The following PKIA variants were observed in gnomAD, a reference collection of about 807,000 sequenced individuals.
The protein encoded by PKIA is PKI-alpha.
PKIA carries 4 observed loss-of-function variants against 7.6 expected under a neutral mutation model. The ratio of observed to expected loss-of-function variants is 0.52; its 90% CI spans 0.26 to 1.20. The LOEUF is 1.20. Ranked by LOEUF, PKIA falls within the 50% of genes most tolerant of loss-of-function variation. The probability of loss-of-function intolerance (pLI) is 0.13; values close to 1 mark genes in which losing one functional copy is unlikely to be tolerated. For synonymous variants in PKIA, 21 were observed against 30.7 expected (o/e 0.68, Z 1.04); for missense variants, 73 against 86.2 (o/e 0.85, Z 0.61).
At chr8:78,587,322 G>A (rs1400450853) in intron 2 of PKIA, among the ~76,000 whole-genome samples, 1 of 152,174 alleles carries the variant, frequency 6.6e-6, no homozygotes, top group Non-Finnish European at 1.5e-5. Context: ...ACCAGCCCCA[G>A]GCCCTTAATG....
At chr8:78,556,824 C>T (rs1456637201) in intron 1 of PKIA, among the ~76,000 whole-genome samples, 2 of 152,104 alleles carry the variant, frequency 1.3e-5, no homozygotes, top group Non-Finnish European at 2.9e-5. Context: ...TTGAATACTA[C>T]ATCTTTATCC....
At chr8:78,567,836 T>G (rs1807454947) in intron 1 of PKIA, among the ~76,000 whole-genome samples, 1 of 152,204 alleles carries the variant, frequency 6.6e-6, no homozygotes, top group Non-Finnish European at 1.5e-5. Context: ...TATATACCAC[T>G]TTATTTTGTT....
intron 1 of PKIA, among the ~76,000 whole-genome samples, chr8:78,561,669 G>A (rs1375266754): frequency 6.6e-6 from 1 of 152,128 alleles, no homozygotes; most frequent in Non-Finnish European, 1.5e-5. Context: ...TGGTACTGAT[G>A]TCAAACTTTC....
chr8:78,528,919 T>G (rs1806324881), intron 1 of PKIA, among the ~76,000 whole-genome samples: 1 of 152,080 alleles, frequency 6.6e-6, no homozygotes, highest in Non-Finnish European at 1.5e-5. Context: ...TGTATTAATT[T>G]TAATACTAGT....
intron 2 of PKIA, among the ~76,000 whole-genome samples, chr8:78,573,610 A>C (rs1472348935): frequency 6.6e-6 from 1 of 152,070 alleles, no homozygotes; most frequent in African/African-American, 2.4e-5. Context: ...CATCATAATA[A>C]GTGGCTCATC....
chr8:78,600,025 A>G (rs1336194475), intron 3 of PKIA, among the ~76,000 whole-genome samples: 1 of 150,688 alleles, frequency 6.6e-6, no homozygotes, highest in Non-Finnish European at 1.5e-5. Context: ...ACAATTAAAT[A>G]ATTTAAAATA....
At chr8:78,554,747 A>G (rs1807082881) in intron 1 of PKIA, among the ~76,000 whole-genome samples, 1 of 152,088 alleles carries the variant, frequency 6.6e-6, no homozygotes, top group Non-Finnish European at 1.5e-5. Flanking sequence ...GTTATACCTG[A>G]TATGAATTTT....
chr8:78,573,165 C>T (rs920861675), intron 2 of PKIA, among the ~76,000 whole-genome samples: 2 of 152,008 alleles, frequency 1.3e-5, no homozygotes, highest in Non-Finnish European at 2.9e-5. Flanking sequence ...ACTAAGTACA[C>T]TTAGTGAGCT....
At chr8:78,546,803 A>T (rs1022841021) in intron 1 of PKIA, among the ~76,000 whole-genome samples, 2 of 152,202 alleles carry the variant, frequency 1.3e-5, no homozygotes, top group Admixed American at 1.3e-4. Flanking sequence ...CCAGCTACTG[A>T]AGACAGAGGT....
At chr8:78,553,586 T>C (rs188018008) in intron 1 of PKIA, among the ~76,000 whole-genome samples, 1 of 152,094 alleles carries the variant, frequency 6.6e-6, no homozygotes, top group Admixed American at 6.6e-5. Context: ...CAGAAAAAAT[T>C]CCCTACTGGC....
At chr8:78,542,066 C>G (rs78552661) in intron 1 of PKIA, among the ~76,000 whole-genome samples, 5,517 of 152,102 alleles carry the variant, frequency 0.036, 152 homozygotes, top group South Asian at 0.071. Flanking sequence ...GTCCCGTCTA[C>G]TCAAGATGAT....
At chr8:78,568,973 G>C (rs144683013) in intron 1 of PKIA, among the ~76,000 whole-genome samples, 3,721 of 152,198 alleles carry the variant, frequency 0.024, 72 homozygotes, top group Middle Eastern at 0.061. Flanking sequence ...TCAATGGAGA[G>C]CTGAGCCTCC....
intron 2 of PKIA, among the ~76,000 whole-genome samples, chr8:78,587,910 G>C (rs1451969962): frequency 6.6e-6 from 1 of 152,146 alleles, no homozygotes. Flanking sequence ...ATGAACAACT[G>C]TATGACCTCG....
intron 2 of PKIA, among the ~76,000 whole-genome samples, chr8:78,574,766 G>T (rs370115568): frequency 2.0e-4 from 30 of 151,984 alleles, no homozygotes; most frequent in African/African-American, 6.7e-4. Flanking sequence ...TTTTGTCTTT[G>T]TATGTACTTA....
intron 1 of PKIA, among the ~76,000 whole-genome samples, chr8:78,567,233 A>G (rs1262588885): frequency 6.6e-6 from 1 of 152,150 alleles, no homozygotes; most frequent in African/African-American, 2.4e-5. Context: ...TTAATATATT[A>G]TCATTAACTG....
At chr8:78,567,705 G>C (rs1036866975) in intron 1 of PKIA, among the ~76,000 whole-genome samples, 3 of 152,120 alleles carry the variant, frequency 2.0e-5, no homozygotes, top group Admixed American at 2.0e-4. Flanking sequence ...GGTTTGAATA[G>C]CTACAGAAGC....
intron 1 of PKIA, among the ~76,000 whole-genome samples, chr8:78,571,356 G>A (rs1041297361): frequency 9.2e-5 from 14 of 152,032 alleles, no homozygotes; most frequent in Non-Finnish European, 5.9e-5. Context: ...CACTGTATCC[G>A]ATGCTGTCAG....
chr8:78,561,441 AG>A lies in PKIA; in HGVS notation c.-156-11368del, dbSNP rs201939553. Reference sequence around the variant, plus strand: ...TGTAATTAGCCTACCCCACTGCTCTAGGCTAGGCCAAGTTTTTTTGTTTTTT... The same window carrying A: ...TGTAATTAGCCTACCCCACTGCTCTAGCTAGGCCAAGTTTTTTTGTTTTTT... On this transcript the variant is annotated intron_variant, in intron 1 of 3. Coordinates refer to ENST00000396418, the MANE Select transcript of PKIA (RefSeq NM_006823.4). 7.9e-3 allele frequency among the ~76,000 whole-genome samples: 1,206 copies of A among 151,964 alleles called. 10 individuals are homozygous for A. Among genetic ancestry groups the A allele is most frequent in the African/African-American group, 0.027 (1,119 of 41,484 alleles).
At chr8:78,590,046 A>C (rs912000459) in intron 2 of PKIA, among the ~76,000 whole-genome samples, 2 of 152,198 alleles carry the variant, frequency 1.3e-5, no homozygotes, top group African/African-American at 4.8e-5. Context: ...GGAAAGCAAA[A>C]TCTAACAGTG....
Sources: gnomAD v4.1 joint callset for allele counts (sites outside exome capture counted in the v4.1 genomes callset) on GRCh38, gnomAD v4.1.1 for gene constraint, MANE v1.5 for transcripts, NCBI Gene and HGNC (gene_info 2026-07-23, HGNC 2026-07-21) for gene names.